CELF1: variants seen among roughly 807,000 people sequenced by gnomAD.
CELF1 encodes CUGBP Elav-like family member 1, also known as 50 kDa nuclear polyadenylated RNA-binding protein.
In CELF1, 10 loss-of-function variants were observed where a neutral mutation model predicts 61.8. That is an observed-to-expected ratio of 0.16 (90% CI 0.10 to 0.27). The LOEUF is 0.27. CELF1 is among the 10% of genes least tolerant of loss of function. CELF1 has a pLI of 1.00. For synonymous variants in CELF1, 236 were observed against 225.1 expected (o/e 1.05, Z -0.43); for missense variants, 380 against 639.1 (o/e 0.59, Z 4.37).
chr11:47,538,400 T>A (rs1255576177), intron 1 of CELF1, among the ~76,000 whole-genome samples: 1 of 152,150 alleles, frequency 6.6e-6, no homozygotes, highest in Admixed American at 6.5e-5. Flanking sequence ...TCCCAGCACT[T>A]TGGGAGGCCC....
intron 1 of CELF1, among the ~76,000 whole-genome samples, chr11:47,520,729 T>G (rs1370070704): frequency 6.6e-6 from 1 of 151,994 alleles, no homozygotes; most frequent in African/African-American, 2.4e-5. Flanking sequence ...GGAGGATCAC[T>G]TGACCCTGGG....
intron 1 of CELF1, among the ~76,000 whole-genome samples, chr11:47,530,641 G>A (rs2096436973): frequency 6.6e-6 from 1 of 152,164 alleles, no homozygotes; most frequent in South Asian, 2.1e-4. Context: ...TGAAAACTGG[G>A]AGAGAGGACC....
intron 6 of CELF1, 83 bp from the exon 7 acceptor site, chr11:47,484,606 G>T: frequency 2.5e-6 from 3 of 1,183,224 alleles, no homozygotes; most frequent in African/African-American, 1.6e-5. Context: ...GACCGCCTGG[G>T]TTTGAATCCT....
intron 3 of CELF1, among the ~76,000 whole-genome samples, chr11:47,498,297 T>C (rs890461189): frequency 6.6e-6 from 1 of 151,974 alleles, no homozygotes; most frequent in Non-Finnish European, 1.5e-5. Flanking sequence ...CCCAGCTACT[T>C]GGGAAGCGGA....
At chr11:47,525,727 A>C (rs1412118283) in intron 1 of CELF1, among the ~76,000 whole-genome samples, 1 of 152,234 alleles carries the variant, frequency 6.6e-6, no homozygotes, top group Non-Finnish European at 1.5e-5. Context: ...TAATAAAGGC[A>C]GACAGTACAT....
At chr11:47,547,089 A>AAAAAAG (rs2096978353) in intron 1 of CELF1, among the ~76,000 whole-genome samples, 1 of 147,610 alleles carries the variant, frequency 6.8e-6, no homozygotes, top group African/African-American at 2.5e-5. Flanking sequence ...AAAAAAAAAA[A>AAAAAAG]AAAAGAAAGA....
chr11:47,550,639 T>C lies in CELF1; in HGVS notation c.-154+2353A>G, dbSNP rs564575782. Among the ~76,000 whole-genome samples the C allele has an allele frequency of 8.6e-5, 13 of 152,006 alleles. No homozygotes were observed. The East Asian group carries it at 2.5e-3, about 29-fold the overall frequency. ...ATAAAGACCCAATATTTAACAATCATCTCTGAGTGGTGGCACTATGGGTGA... is the reference window on the plus strand; with the variant it reads ...ATAAAGACCCAATATTTAACAATCACCTCTGAGTGGTGGCACTATGGGTGA... On this transcript the variant is annotated intron_variant, in intron 1 of 14. Transcript: ENST00000687097.
At chr11:47,541,802 G>A (rs11039283) in intron 1 of CELF1, among the ~76,000 whole-genome samples, 18,296 of 103,994 alleles carry the variant, frequency 0.18, 3,662 homozygotes, top group South Asian at 0.39. Flanking sequence ...ACGAAAGAAA[G>A]AAAGAAAGAA....
intron 1 of CELF1, among the ~76,000 whole-genome samples, chr11:47,550,466 G>A (rs1369008348): frequency 1.3e-5 from 2 of 152,128 alleles, no homozygotes; most frequent in African/African-American, 4.8e-5. Context: ...GGGGGACAGG[G>A]TGTGCAGTGA....
rs1224616637 is a variant in CELF1, at chr11:47,553,048, G to A, written c.-210C>T. On this transcript the variant is annotated 5_prime_UTR_variant, in exon 1 of 15. Coordinates refer to ENST00000687097, the MANE Select transcript of CELF1 (RefSeq NM_001376376.1). ...AGTTGCTGCCTGCGCCTCCGCAGCC[G>A]CCGCCGCCGCCTCGCTGCTGAGGCC... 4 of 400,910 alleles carry A rather than the reference G, an allele frequency of 1.0e-5. No homozygotes were observed. The highest frequency in any genetic ancestry group is 4.4e-5 in the Admixed American group (1 of 22,690). The allele number at this position is 400,910 out of a possible 1,614,324, so 24.8% of individuals were successfully genotyped here. A position where few individuals can be genotyped will look rare whatever the true frequency, so the allele number is the denominator to read the frequency against.
At chr11:47,565,439 C>A in exon 1 of CELF1, 1 of 460,882 alleles carries the variant, frequency 2.2e-6, no homozygotes, top group Non-Finnish European at 3.3e-6. Context: ...CCTCCGAGGC[C>A]GCCGGGCCCT....
intron 9 of CELF1, 115 bp downstream of exon 9, chr11:47,482,580 T>C (rs2083985707): frequency 1.3e-5 from 13 of 969,896 alleles, no homozygotes; most frequent in East Asian, 2.5e-5. Context: ...TTTTTACATA[T>C]AATTTCTATA....
chr11:47,483,032 C>T (rs1298081863), intron 8 of CELF1, among the ~76,000 whole-genome samples, 176 bp from the exon 9 acceptor site: 2 of 151,996 alleles, frequency 1.3e-5, no homozygotes, highest in Non-Finnish European at 2.9e-5. Context: ...GAGGCTGAGG[C>T]GGGTGGATCA....
chr11:47,522,131 T>C (rs1475948222), intron 1 of CELF1, among the ~76,000 whole-genome samples: 2 of 152,034 alleles, frequency 1.3e-5, no homozygotes, highest in Non-Finnish European at 2.9e-5. Context: ...CAGGCTGGTC[T>C]TGAACTCCCG....
intron 1 of CELF1, among the ~76,000 whole-genome samples, chr11:47,503,627 G>C (rs2094186669): frequency 6.6e-6 from 1 of 152,092 alleles, no homozygotes; most frequent in Non-Finnish European, 1.5e-5. Context: ...AGTTTCATAA[G>C]AGAGAAAAAA....
intron 1 of CELF1, among the ~76,000 whole-genome samples, chr11:47,505,578 G>C (rs2094417475): frequency 6.7e-6 from 1 of 149,882 alleles, no homozygotes. Context: ...GGGAGGCAGA[G>C]CTTGCAGTGA....
chr11:47,483,803 T>C lies in CELF1; in HGVS notation c.527-271A>G, dbSNP rs539282293. ...TAAAAGAAAATGGAAGAAGAAAGTA[T>C]TTCCATTTTGGCATCAAGGATCTTG... On this transcript the variant is annotated intron_variant, in intron 7 of 14. Transcript: ENST00000687097. Among the ~76,000 whole-genome samples, 3 of 152,278 alleles carry C rather than the reference T, an allele frequency of 2.0e-5. No homozygotes were observed. In the East Asian group the frequency reaches 5.8e-4, roughly 29 times the overall value.
chr11:47,473,763 T>C (rs1451426794), intron 13 of CELF1, among the ~76,000 whole-genome samples: 1 of 152,186 alleles, frequency 6.6e-6, no homozygotes, highest in Non-Finnish European at 1.5e-5. Context: ...CTCATATAGC[T>C]GTATGCCAAA....
intron 1 of CELF1, among the ~76,000 whole-genome samples, chr11:47,545,205 G>A (rs184441669): frequency 1.1e-3 from 173 of 151,136 alleles, no homozygotes; most frequent in Admixed American, 3.0e-3. Flanking sequence ...CGAGGTGGGC[G>A]GATCACCTGA....
Sources: gnomAD v4.1 joint callset for allele counts (sites outside exome capture counted in the v4.1 genomes callset) on GRCh38, gnomAD v4.1.1 for gene constraint, MANE v1.5 for transcripts, NCBI Gene and HGNC (gene_info 2026-07-23, HGNC 2026-07-21) for gene names.